The following STK4 variants were observed in gnomAD, a reference collection of about 807,000 sequenced individuals.
STK4 encodes the protein serine/threonine-protein kinase 4.
STK4 carries 30 observed loss-of-function variants against 64.9 expected under a neutral mutation model. That is an observed-to-expected ratio of 0.46 (90% CI 0.35 to 0.63). The LOEUF (loss-of-function observed/expected upper bound fraction) is 0.63. STK4 is among the 20% of genes least tolerant of loss of function. STK4 has a pLI of 0.01. For synonymous variants in STK4, 177 were observed against 199.0 expected (o/e 0.89, Z 0.93); for missense variants, 466 against 598.5 (o/e 0.78, Z 2.31).
At chr20:45,054,285 C>G (rs943910277) in intron 10 of STK4, among the ~76,000 whole-genome samples, 2 of 152,134 alleles carry the variant, frequency 1.3e-5, no homozygotes. Context: ...AGACTCCTGG[C>G]CAGGTGCGGG....
chr20:45,046,675 A>T lies in STK4; in HGVS notation c.1305+21545A>T, dbSNP rs184184455. 6.9e-3 allele frequency among the ~76,000 whole-genome samples: 974 copies of T among 141,014 alleles called. 11 individuals carry two copies. Among genetic ancestry groups the T allele is most frequent in the African/African-American group, 0.022 (833 of 37,954 alleles). The allele number at this position is 141,014 out of a possible 152,430, so 92.5% of individuals were successfully genotyped here. On this transcript the variant is annotated intron_variant, in intron 10 of 10. Coordinates refer to ENST00000372806, the MANE Select transcript of STK4 (RefSeq NM_006282.5). ...CTAATTTGCTTTTCTTTTTTTTTTTAAATTTATTTATTTATTTTTTTTCCG... is the reference window on the plus strand; with the variant it reads ...CTAATTTGCTTTTCTTTTTTTTTTTTAATTTATTTATTTATTTTTTTTCCG...
chr20:45,079,023 A>G lies in STK4; in HGVS notation c.*3847A>G, dbSNP rs567065120. ...AGAAATAGATACCAGCCTGAGCAAC[A>G]TGGCAAAATCCCATCTCTACAAAAC... On this transcript the variant is annotated 3_prime_UTR_variant, in exon 11 of 11. Coordinates refer to ENST00000372806, the MANE Select transcript of STK4 (RefSeq NM_006282.5). 1 of 151,944 alleles carries G rather than the reference A, an allele frequency of 6.6e-6. No individual in the cohort carries two copies. Among genetic ancestry groups the G allele is most frequent in the East Asian group, 1.9e-4 (1 of 5,180 alleles). The allele number at this position is 151,944 out of a possible 1,614,324, so 9.4% of individuals were successfully genotyped here.
At position 45,079,075 on chromosome 20, in the gene STK4, C is replaced by T. The variant is rs986886514; in HGVS notation, c.*3899C>T. On this transcript the variant is annotated 3_prime_UTR_variant, in exon 11 of 11. Transcript: ENST00000372806. ...TCAAAAAAAAAAAAAATTAGTCGGG[C>T]ATGGTGGTGCACACCTGTAATCCCA... The T allele has an allele frequency of 6.6e-6, 1 of 151,354 alleles. No homozygotes were observed. The highest frequency in any genetic ancestry group is 2.4e-5 in the African/African-American group (1 of 41,034). The allele number at this position is 151,354 out of a possible 1,614,324, so 9.4% of individuals were successfully genotyped here.
chr20:45,063,084 G>A (rs1979238201), intron 10 of STK4, among the ~76,000 whole-genome samples: 2 of 132,412 alleles, frequency 1.5e-5, no homozygotes, highest in Non-Finnish European at 3.1e-5. Context: ...GCTCACTGCA[G>A]CCTCGACCTC....
chr20:44,988,384 G>A (rs111577395), intron 5 of STK4, among the ~76,000 whole-genome samples: 2,661 of 151,056 alleles, frequency 0.018, 86 homozygotes, highest in African/African-American at 0.061. Context: ...ACATGGTAGC[G>A]CACGCCTGTA....
intron 2 of STK4, among the ~76,000 whole-genome samples, chr20:44,976,420 T>A (rs1165756403): frequency 6.6e-6 from 1 of 152,230 alleles, no homozygotes; most frequent in Admixed American, 6.5e-5. Flanking sequence ...TTGAAGAAGT[T>A]TATGAAGTGC....
rs1221720136 is a variant in STK4 at position 44,988,533 on chromosome 20, G to GTGTATATATA, written c.525+1238_525+1239insGTATATATAT. ...TGTGTGTGTATATATATGTGTGTGT[G>GTGTATATATA]TATATATATATATATATATATATAT... On this transcript the variant is annotated intron_variant, in intron 5 of 10. Transcript: ENST00000372806. 7.6e-3 allele frequency among the ~76,000 whole-genome samples: 770 copies of GTGTATATATA among 101,496 alleles called. 20 individuals carry two copies. Among genetic ancestry groups the GTGTATATATA allele is most frequent in the African/African-American group, 0.034 (710 of 20,960 alleles). The allele number at this position is 101,496 out of a possible 152,430, so 66.6% of individuals were successfully genotyped here.
At position 44,981,812 on chromosome 20, in the gene STK4, TGTC is replaced by T; in HGVS notation, c.246-16_246-14del. The T allele has an allele frequency of 6.9e-7, 1 of 1,455,122 alleles. No homozygotes were observed. 90.1% of individuals were successfully genotyped at this position (1,455,122 alleles called of 1,614,324 possible). A position where few individuals can be genotyped will look rare whatever the true frequency, so the allele number is the denominator to read the frequency against. On this transcript the variant is annotated splice_polypyrimidine_tract_variant and intron_variant, in intron 3 of 10. Transcript: ENST00000372806. The stretch of plus-strand genomic sequence containing the variant: ...TGAAGGCCATTTTATTAATTTGTAT[TGTC>T]TCTCTCTCTCTAGCCCTCATGTAGT...
chr20:45,070,441 G>A (rs530749660), intron 10 of STK4, among the ~76,000 whole-genome samples: 6 of 152,132 alleles, frequency 3.9e-5, no homozygotes, highest in Non-Finnish European at 2.9e-5. Flanking sequence ...GGCAGGAGGC[G>A]GGGGTGAGGG....
At chr20:45,042,602 A>G (rs1464152220) in intron 10 of STK4, among the ~76,000 whole-genome samples, 1 of 152,126 alleles carries the variant, frequency 6.6e-6, no homozygotes, top group African/African-American at 2.4e-5. Context: ...TTGATAACAC[A>G]CCTACTCCAA....
chr20:45,010,529 TA>T (rs1371367994), intron 9 of STK4, among the ~76,000 whole-genome samples: 1 of 152,192 alleles, frequency 6.6e-6, no homozygotes, highest in African/African-American at 2.4e-5. Flanking sequence ...TGCTGTGTGG[TA>T]AATTGAACCA....
At position 44,995,246 on chromosome 20, in the gene STK4, C is replaced by T; in HGVS notation, c.682C>T (p.His228Tyr). Reference sequence around the variant, plus strand: ...AGGAAAGCCCCCTTATGCTGATATCCATCCAATGAGGGTAAGAAAGTGGAC... The same window carrying T: ...AGGAAAGCCCCCTTATGCTGATATCTATCCAATGAGGGTAAGAAAGTGGAC... ...AEGKPPYADI[H>Y]PMRAIFMIPT... The change falls in exon 6 of 11, where the codon CAT becomes TAT. Residue 228 changes from histidine (H) to tyrosine (Y), a missense_variant. His to Tyr is a moderately conservative substitution (Grantham distance 83). Coordinates refer to ENST00000372806, the MANE Select transcript of STK4 (RefSeq NM_006282.5). 5 of 1,612,060 alleles carry T rather than the reference C, an allele frequency of 3.1e-6. No individual in the cohort carries two copies. The highest frequency in any genetic ancestry group is 4.2e-6 in the Non-Finnish European group (5 of 1,179,064).
At chr20:45,006,728 TG>T (rs1321415451) in intron 9 of STK4, among the ~76,000 whole-genome samples, 3 of 152,172 alleles carry the variant, frequency 2.0e-5, no homozygotes, top group African/African-American at 7.2e-5. Context: ...CCAAGGGAAT[TG>T]TATTTCTAGA....
chr20:44,968,859 C>T (rs571324028), intron 1 of STK4, among the ~76,000 whole-genome samples: 1 of 152,290 alleles, frequency 6.6e-6, no homozygotes, highest in Non-Finnish European at 1.5e-5. Context: ...TTTATTATCA[C>T]GTGTATCAGT....
At chr20:45,055,308 G>C (rs566771771) in intron 10 of STK4, among the ~76,000 whole-genome samples, 1 of 152,282 alleles carries the variant, frequency 6.6e-6, no homozygotes, top group South Asian at 2.1e-4. Flanking sequence ...TGTCCTTGTG[G>C]TCTAGATTTC....
chr20:45,048,209 A>G (rs560539821), intron 10 of STK4, among the ~76,000 whole-genome samples: 1 of 152,358 alleles, frequency 6.6e-6, no homozygotes, highest in African/African-American at 2.4e-5. Flanking sequence ...TTATGGGACC[A>G]GTAACTCTAG....
At chr20:45,043,943 T>C (rs1456757664) in intron 10 of STK4, among the ~76,000 whole-genome samples, 3 of 152,088 alleles carry the variant, frequency 2.0e-5, no homozygotes, top group Non-Finnish European at 4.4e-5. Context: ...TTGCCTTCTG[T>C]TATAAAATCA....
chr20:45,058,842 T>C (rs747879482), intron 10 of STK4, among the ~76,000 whole-genome samples: 1 of 152,190 alleles, frequency 6.6e-6, no homozygotes, highest in Non-Finnish European at 1.5e-5. Context: ...TGCCTCCCTT[T>C]AGTGCTTTCA....
At position 44,981,885 on chromosome 20, in the gene STK4, T is replaced by C. The variant is rs763376298; in HGVS notation, c.302T>C (p.Val101Ala). 3 of 1,614,112 alleles carry C rather than the reference T, an allele frequency of 1.9e-6. No individual in the cohort carries two copies. The highest frequency in any genetic ancestry group is 2.5e-6 in the Non-Finnish European group (3 of 1,179,996). Residue 101 changes from valine to alanine, a missense_variant, in exon 4 of 11, where the codon GTT (valine) becomes GCT (alanine). Physicochemically the swap from Val to Ala is moderately conservative, Grantham distance 64. Transcript: ENST00000372806. Reference protein sequence around the residue: ...SYFKNTDLWIVMEYCGAGSVS... With the variant: ...SYFKNTDLWIAMEYCGAGSVS... Reference sequence around the variant, plus strand: ...TTTAAGAACACAGACTTATGGATCGTTATGGAGTACTGTGGGGCTGGTTCT... The same window carrying C: ...TTTAAGAACACAGACTTATGGATCGCTATGGAGTACTGTGGGGCTGGTTCT...
Sources: allele counts gnomAD v4.1 joint callset (sites outside exome capture counted in the v4.1 genomes callset), GRCh38; gene constraint gnomAD v4.1.1; transcripts MANE v1.5; gene names NCBI Gene and HGNC (gene_info 2026-07-23, HGNC 2026-07-21).